MYNN: variants seen among roughly 807,000 people sequenced by gnomAD.
The protein encoded by MYNN is myoneurin, also known as zinc finger and BTB domain-containing protein 31.
In MYNN, 22 loss-of-function variants were observed where a neutral mutation model predicts 57.2. The observed-to-expected ratio is 0.38, with a 90% CI of 0.27 to 0.55. MYNN has a LOEUF of 0.55. MYNN is among the 20% of genes least tolerant of loss of function. The pLI is 0.71. For missense variants in MYNN, 566 were observed against 723.1 expected (o/e 0.78, Z 2.49); for synonymous variants, 241 against 257.1 (o/e 0.94, Z 0.60).
Position 169,774,287 on chromosome 3 carries a change from G to T in MYNN, c.-9G>T, listed in dbSNP as rs1053287765. The T allele has an allele frequency of 4.3e-6, 7 of 1,610,500 alleles. No individual in the cohort carries two copies. In the South Asian group the frequency reaches 6.6e-5, roughly 15 times the overall value. Reference sequence around the variant, plus strand: ...TAGATCAAGGGTAAAATTCCATTCTGATATCAAAATGCAGTATTCGCACCA... The same window carrying T: ...TAGATCAAGGGTAAAATTCCATTCTTATATCAAAATGCAGTATTCGCACCA... On this transcript the variant is annotated 5_prime_UTR_variant, in exon 2 of 8. Transcript: ENST00000349841.
intron 2 of MYNN, among the ~76,000 whole-genome samples, chr3:169,775,348 G>T (rs1778302667): frequency 6.6e-6 from 1 of 152,098 alleles, no homozygotes; most frequent in Admixed American, 6.5e-5. Flanking sequence ...TAGGGGAAAA[G>T]GTGGAGGGAA....
In MYNN at chr3:169,779,699, A is replaced by T. The variant is rs1018536592; in HGVS notation, c.1060+138A>T. On this transcript the variant is annotated intron_variant, in intron 3 of 7. Coordinates refer to ENST00000349841, the MANE Select transcript of MYNN (RefSeq NM_018657.5). ...ATTCATCAAAGTATTTAACAGTGTT[A>T]AACTGTTGAAAATTTATTTGTAATT... 7 of 883,994 alleles carry T rather than the reference A, an allele frequency of 7.9e-6. No individual in the cohort carries two copies. In the African/African-American group the frequency reaches 1.2e-4, roughly 15 times the overall value. The allele number at this position is 883,994 out of a possible 1,614,324, so 54.8% of individuals were successfully genotyped here.
Position 169,774,515 on chromosome 3 carries a change from C to T in MYNN, c.220C>T (p.Gln74Ter). The change falls in exon 2 of 8, where the codon CAG (glutamine) becomes TAG (stop). Residue 74 changes from glutamine to a stop codon, truncating the protein, a stop_gained. Transcript: ENST00000349841. LOFTEE classifies it high-confidence loss of function. ...DQSQVKADGF[Q>*]KLLEFIYTGT... ...GAGTCAGGTGAAGGCTGATGGATTT[C>T]AGAAACTGTTGGAGTTTATATACAC... 6.2e-7 allele frequency: 1 copy of T among 1,614,020 alleles called. No individual in the cohort carries two copies. The highest frequency in any genetic ancestry group is 1.1e-5 in the South Asian group (1 of 91,072).
intron 2 of MYNN, chr3:169,777,905 C>G (rs1334334052): frequency 6.6e-6 from 1 of 152,160 alleles, no homozygotes; most frequent in Non-Finnish European, 1.5e-5. Flanking sequence ...GTGGATTCCT[C>G]TAAGCAACAT....
chr3:169,785,625 T>C (rs1212930094), intron 7 of MYNN, among the ~76,000 whole-genome samples: 1 of 152,024 alleles, frequency 6.6e-6, no homozygotes, highest in African/African-American at 2.4e-5. Flanking sequence ...AAGAGAGGAT[T>C]CATTCCGGGC....
At chr3:169,786,369 A>C in intron 7 of MYNN, 47 bp from the exon 8 acceptor site, 1 of 1,547,876 alleles carries the variant, frequency 6.5e-7, no homozygotes, top group East Asian at 2.3e-5. Context: ...TCAGGGGTTT[A>C]GTTTTGTTTT....
At chr3:169,775,353 A>G (rs1577392657) in intron 2 of MYNN, among the ~76,000 whole-genome samples, 1 of 152,300 alleles carries the variant, frequency 6.6e-6, no homozygotes, top group East Asian at 1.9e-4. Context: ...GAAAAGGTGG[A>G]GGGAATAAAA....
Position 169,780,659 on chromosome 3 carries a change from G to A in MYNN, c.1130G>A (p.Ser377Asn), listed in dbSNP as rs750575228. ...FAQKCQLVFH[S>N]RMHHGEEKPY... Reference sequence around the variant, plus strand: ...CAGAAATGTCAGCTAGTCTTCCATAGTCGCATGCATCATGGTGAAGAAAAA... The same window carrying A: ...CAGAAATGTCAGCTAGTCTTCCATAATCGCATGCATCATGGTGAAGAAAAA... The change falls in exon 4 of 8, where the codon AGT becomes AAT. Residue 377 changes from serine (S) to asparagine (N), a missense_variant. Transcript: ENST00000349841. The A allele has an allele frequency of 1.7e-5, 27 of 1,612,944 alleles. No individual in the cohort carries two copies. Among genetic ancestry groups the A allele is most frequent in the Non-Finnish European group, 2.3e-5 (27 of 1,179,548 alleles).
At chr3:169,774,749 C>T (rs1464232175) in intron 2 of MYNN, among the ~76,000 whole-genome samples, 188 bp downstream of exon 2, 2 of 152,194 alleles carry the variant, frequency 1.3e-5, no homozygotes, top group Non-Finnish European at 2.9e-5. Context: ...TTCATAAGCA[C>T]AGATAATAAA....
rs1778692879 is a variant in MYNN at position 169,786,847 on chromosome 3, T to C, written c.*169T>C. ...CACAACTGCAATGTTTGTTTTTATT[T>C]TTGGCTTTATGTCTATACTCCACAG... On this transcript the variant is annotated 3_prime_UTR_variant, in exon 8 of 8. Transcript: ENST00000349841. 2.9e-6 allele frequency: 2 copies of C among 680,736 alleles called. No homozygotes were observed. Among genetic ancestry groups the C allele is most frequent in the Non-Finnish European group, 4.8e-6 (2 of 414,620 alleles). The allele number at this position is 680,736 out of a possible 1,614,324, so 42.2% of individuals were successfully genotyped here.
In MYNN at chr3:169,786,522, T is replaced by C; in HGVS notation, c.1677T>C (p.Asp559=). The C allele has an allele frequency of 1.2e-6, 2 of 1,613,778 alleles. No homozygotes were observed. The highest frequency in any genetic ancestry group is 8.5e-7 in the Non-Finnish European group (1 of 1,179,682). ...AAACTATGGATGTGAAGCCTTCTGA[T>C]ATGACTTTACCATTAGCTCTTCCAC... ...LSETMDVKPS[D]MTLPLALPLG... is the part of the protein sequence containing the mutation. Residue 559 remains aspartate, a synonymous_variant, in exon 8 of 8, where the codon GAT becomes GAC. Coordinates refer to ENST00000349841, the MANE Select transcript of MYNN (RefSeq NM_018657.5).
rs186909924 is a variant in MYNN at position 169,779,337 on chromosome 3, G to A, written c.836G>A (p.Ser279Asn). The A allele has an allele frequency of 1.7e-5, 27 of 1,614,082 alleles. No individual in the cohort carries two copies. Among genetic ancestry groups the A allele is most frequent in the Middle Eastern group, 1.6e-4 (1 of 6,084 alleles). Residue 279 changes from serine (S) to asparagine (N), a missense_variant, in exon 3 of 8, where the codon AGC becomes AAC. Ser to Asn is a conservative substitution (Grantham distance 46, BLOSUM62 1). Around this residue, in one of 4 missense-constraint regions of MYNN, gnomAD observed 261 missense variants for 280.8 expected, o/e 0.93. Coordinates refer to ENST00000349841, the MANE Select transcript of MYNN (RefSeq NM_018657.5). ...GAACACTCTATGTCTAATATAGCCA[G>A]CGTCAAGAGTCCTTATGAGGCGGAG... The part of the protein sequence containing the change: ...LKEHSMSNIA[S>N]VKSPYEAENS...
chr3:169,788,634 C>T lies in MYNN; in HGVS notation c.*1956C>T, dbSNP rs1453265494. 1 of 152,106 alleles carries T rather than the reference C, an allele frequency of 6.6e-6. No homozygotes were observed. Among genetic ancestry groups the T allele is most frequent in the Non-Finnish European group, 1.5e-5 (1 of 67,980 alleles). 9.4% of individuals were successfully genotyped at this position (152,106 alleles called of 1,614,324 possible). On this transcript the variant is annotated 3_prime_UTR_variant, in exon 8 of 8. Transcript: ENST00000349841. ...TTCCTCTGGTATTATTAGCATTCTG[C>T]CTTTGCATAGATTAGCCTTCAAATT...
rs1778549195 is a variant in MYNN, at chr3:169,782,539, A to G, written c.1295A>G (p.Tyr432Cys). 2 of 1,614,018 alleles carry G rather than the reference A, an allele frequency of 1.2e-6. No homozygotes were observed. The highest frequency in any genetic ancestry group is 2.2e-5 in the East Asian group (1 of 44,870). Reference sequence around the variant, plus strand: ...TTTGCTCAAGCCAGCACACTGACCTATCATGTCCGTAGGCATACTGGAGAA... The same window carrying G: ...TTTGCTCAAGCCAGCACACTGACCTGTCATGTCCGTAGGCATACTGGAGAA... ...QRFAQASTLT[Y>C]HVRRHTGEKP... is the part of the protein sequence containing the mutation. The change falls in exon 5 of 8, where the codon TAT (tyrosine) becomes TGT (cysteine). Residue 432 changes from tyrosine to cysteine, a missense_variant. Physicochemically the swap from Tyr to Cys is radical, Grantham distance 194. Coordinates refer to ENST00000349841, the MANE Select transcript of MYNN (RefSeq NM_018657.5). This position sits in a 1 kb window ranked among gnomAD's most constrained non-coding sequence, Gnocchi z 4.8.
Position 169,782,553 on chromosome 3 carries a change from C to T in MYNN, c.1309C>T (p.His437Tyr). 6.2e-7 allele frequency: 1 copy of T among 1,613,962 alleles called. No individual in the cohort carries two copies. The highest frequency in any genetic ancestry group is 8.5e-7 in the Non-Finnish European group (1 of 1,179,858). The part of the protein sequence containing the change: ...ASTLTYHVRR[H>Y]TGEKPYVCDT... The stretch of plus-strand genomic sequence containing the variant: ...CACACTGACCTATCATGTCCGTAGG[C>T]ATACTGGAGAAAAGCCTTATGTATG... Residue 437 changes from histidine (H) to tyrosine (Y), a missense_variant, in exon 5 of 8, where the codon CAT (histidine) becomes TAT (tyrosine). By Grantham distance (83) the His-to-Tyr change is moderately conservative. Around this residue, in one of 4 missense-constraint regions of MYNN, gnomAD observed 123 missense variants for 222.6 expected, o/e 0.55. Coordinates refer to ENST00000349841, the MANE Select transcript of MYNN (RefSeq NM_018657.5). This position sits in a 1 kb window ranked among gnomAD's most constrained non-coding sequence, Gnocchi z 4.8.
At chr3:169,784,548 A>G (rs1419523209) in intron 6 of MYNN, 74 bp from the exon 7 acceptor site, 4 of 995,140 alleles carry the variant, frequency 4.0e-6, no homozygotes, top group Non-Finnish European at 3.0e-6. Flanking sequence ...CCTTGTGTTC[A>G]TAAACATTGA....
In MYNN at chr3:169,774,622, A is replaced by T. The variant is rs552726017; in HGVS notation, c.266+61A>T. The T allele has an allele frequency of 8.9e-6, 13 of 1,459,440 alleles. 1 individual carries two copies. In the South Asian group the frequency reaches 1.7e-4, roughly 19 times the overall value. The allele number at this position is 1,459,440 out of a possible 1,614,324, so 90.4% of individuals were successfully genotyped here. A position where few individuals can be genotyped will look rare whatever the true frequency, so the allele number is the denominator to read the frequency against. On this transcript the variant is annotated intron_variant, in intron 2 of 7. Coordinates refer to ENST00000349841, the MANE Select transcript of MYNN (RefSeq NM_018657.5). ...AGTCAGTAGTCTTCACAGCAAAAGT[A>T]GATTTGTATTTTTTCCATTCATTCT...
intron 7 of MYNN, among the ~76,000 whole-genome samples, chr3:169,785,777 T>C (rs1778658386): frequency 6.6e-6 from 1 of 152,050 alleles, no homozygotes; most frequent in Non-Finnish European, 1.5e-5. Flanking sequence ...ACCAAAATCA[T>C]GTCAACACTT....
chr3:169,779,571 G>A lies in MYNN; in HGVS notation c.1060+10G>A. On this transcript the variant is annotated intron_variant, in intron 3 of 7. Transcript: ENST00000349841. ...GTAAGAACTCATACAGGTGAGACGG[G>A]TGTGTGGGGAGATATTATTTTTATA... The A allele has an allele frequency of 6.2e-7, 1 of 1,607,726 alleles. No homozygotes were observed. Among genetic ancestry groups the A allele is most frequent in the South Asian group, 1.1e-5 (1 of 90,674 alleles).
Sources: allele counts gnomAD v4.1 joint callset (sites outside exome capture counted in the v4.1 genomes callset), GRCh38; gene constraint gnomAD v4.1.1; regional missense constraint gnomAD v4.1.1; non-coding constraint Gnocchi (gnomAD v3.1); transcripts MANE v1.5; gene names NCBI Gene and HGNC (gene_info 2026-07-23, HGNC 2026-07-21).